TMEM38A: variants seen among roughly 807,000 people sequenced by gnomAD.
TMEM38A encodes transmembrane protein 38A.
TMEM38A carries 17 observed loss-of-function variants against 28.6 expected under a neutral mutation model. That is an observed-to-expected ratio of 0.60 (90% CI 0.41 to 0.89). The LOEUF is 0.89. Among genes scored for constraint, TMEM38A ranks in the 40% least tolerant of loss-of-function variants. The pLI is 0.00. For synonymous variants in TMEM38A, 169 were observed against 166.1 expected (o/e 1.02, Z -0.14); for missense variants, 328 against 393.1 (o/e 0.83, Z 1.40).
Position 16,664,290 on chromosome 19 carries a change from G to A in TMEM38A, c.124+2949G>A, listed in dbSNP as rs1466044729. ...AAAATAGCCAGGTGTGGTGGCGCAC[G>A]CCTGTAATCCCAGGTACTTGGGAGG... On this transcript the variant is annotated intron_variant, in intron 1 of 5. Coordinates refer to ENST00000187762, the MANE Select transcript of TMEM38A (RefSeq NM_024074.4). Among the ~76,000 whole-genome samples, 17 of 152,010 alleles carry A rather than the reference G, an allele frequency of 1.1e-4. No homozygotes were observed. In the East Asian group the frequency reaches 2.5e-3, roughly 23 times the overall value.
intron 1 of TMEM38A, among the ~76,000 whole-genome samples, chr19:16,677,165 C>T (rs1230289878): frequency 6.6e-6 from 1 of 150,492 alleles, no homozygotes; most frequent in Non-Finnish European, 1.5e-5. Flanking sequence ...TTTTAAAATA[C>T]TTCTTATCTT....
Position 16,680,456 on chromosome 19 carries a change from T to C in TMEM38A, c.341T>C (p.Val114Ala). The C allele has an allele frequency of 6.2e-7, 1 of 1,614,144 alleles. No individual in the cohort carries two copies. Among genetic ancestry groups the C allele is most frequent in the Non-Finnish European group, 8.5e-7 (1 of 1,180,030 alleles). ...LFYKCVCFLP[V>A]KLIFVAMKEV... ...TACAAGTGTGTCTGCTTCCTGCCTG[T>C]GAAACTCATCTTCGTGGCCATGAAG... Residue 114 changes from valine (V) to alanine (A), a missense_variant, in exon 3 of 6, where the codon GTG becomes GCG. Coordinates refer to ENST00000187762, the MANE Select transcript of TMEM38A (RefSeq NM_024074.4).
intron 1 of TMEM38A, 152 bp from the exon 2 acceptor site, chr19:16,679,832 G>A (rs1480683083): frequency 8.2e-6 from 6 of 735,536 alleles, no homozygotes; most frequent in Middle Eastern, 4.0e-4. Context: ...CATGCGTACA[G>A]CCTCTCTGAA....
chr19:16,679,904 A>G, intron 1 of TMEM38A, 80 bp from the exon 2 acceptor site: 3 of 1,460,420 alleles, frequency 2.1e-6, no homozygotes, highest in Non-Finnish European at 2.7e-6. Flanking sequence ...CTGGATTAGG[A>G]TAGGCTGACC....
At chr19:16,674,811 A>T (rs1426027994) in intron 1 of TMEM38A, among the ~76,000 whole-genome samples, 3 of 149,840 alleles carry the variant, frequency 2.0e-5, no homozygotes, top group Non-Finnish European at 3.0e-5. Flanking sequence ...AACAAACAAC[A>T]ACAACAAAAA....
chr19:16,681,702 C>T (rs1284812569), intron 3 of TMEM38A, among the ~76,000 whole-genome samples: 2 of 152,192 alleles, frequency 1.3e-5, no homozygotes, highest in Non-Finnish European at 2.9e-5. Context: ...TGAGCCACCT[C>T]CCTGGCCTCG....
At chr19:16,674,835 A>G (rs982302195) in intron 1 of TMEM38A, among the ~76,000 whole-genome samples, 1 of 151,968 alleles carries the variant, frequency 6.6e-6, no homozygotes, top group South Asian at 2.1e-4. Flanking sequence ...ACCAGGACCC[A>G]GAGGGATGCA....
rs2086750046 is a variant in TMEM38A, at chr19:16,676,116, TTTGTGAGG to T, written c.125-3867_125-3860del. ...TGGCTCACACCTGTAATCCCAGCAC[TTTGTGAGG>T]CCGAGGCAGGCGGATCACGAGGTCA... On this transcript the variant is annotated intron_variant, in intron 1 of 5. Coordinates refer to ENST00000187762, the MANE Select transcript of TMEM38A (RefSeq NM_024074.4). Among the ~76,000 whole-genome samples, 4 of 133,472 alleles carry T rather than the reference TTTGTGAGG, an allele frequency of 3.0e-5. 1 individual carries two copies. Among genetic ancestry groups the T allele is most frequent in the African/African-American group, 1.6e-4 (4 of 25,120 alleles). The allele number at this position is 133,472 out of a possible 152,430, so 87.6% of individuals were successfully genotyped here.
At chr19:16,681,064 A>G (rs1023029851) in intron 3 of TMEM38A, 2 of 160,296 alleles carry the variant, frequency 1.2e-5, no homozygotes, top group African/African-American at 2.4e-5. Context: ...AGCTCTAGCT[A>G]TAGGAGTTCT....
At chr19:16,683,592 C>CAAAAAA (rs558424228) in intron 4 of TMEM38A, among the ~76,000 whole-genome samples, 49 of 80,890 alleles carry the variant, frequency 6.1e-4, no homozygotes, top group Middle Eastern at 7.6e-3. Flanking sequence ...GACCTTGTCT[C>CAAAAAA]AAAAAAAAAA....
intron 1 of TMEM38A, among the ~76,000 whole-genome samples, chr19:16,672,446 A>ATTTTTTTTTTTTTTTTTTTTTTTT (rs746189021): frequency 9.5e-6 from 1 of 105,024 alleles, no homozygotes; most frequent in Non-Finnish European, 1.8e-5. Flanking sequence ...AAAAAACCTC[A>ATTTTTTTTTTTTTTTTTTTTTTTT]TTTTTTTTTT....
At chr19:16,680,673 TC>T in intron 3 of TMEM38A, 92 bp downstream of exon 3, 2 of 1,345,230 alleles carry the variant, frequency 1.5e-6, no homozygotes, top group Non-Finnish European at 2.1e-6. Context: ...AAGCCATTGC[TC>T]CAGGCACAGG....
At chr19:16,674,786 C>T (rs540957124) in intron 1 of TMEM38A, among the ~76,000 whole-genome samples, 3 of 151,864 alleles carry the variant, frequency 2.0e-5, no homozygotes, top group South Asian at 4.2e-4. Flanking sequence ...GCAACAAGAG[C>T]GAAACACCGT....
In TMEM38A at chr19:16,680,155, G is replaced by A. The variant is rs988322842; in HGVS notation, c.281+15G>A. ...TCAGCTGTCTGGTAAGCCATGCTGG[G>A]CATGGGAGAGCAGAGCCGGGTGGGG... On this transcript the variant is annotated intron_variant, in intron 2 of 5. Coordinates refer to ENST00000187762, the MANE Select transcript of TMEM38A (RefSeq NM_024074.4). The A allele has an allele frequency of 6.2e-7, 1 of 1,603,868 alleles. No homozygotes were observed. Among genetic ancestry groups the A allele is most frequent in the Non-Finnish European group, 8.5e-7 (1 of 1,178,330 alleles).
At chr19:16,665,676 A>G (rs2086699961) in intron 1 of TMEM38A, among the ~76,000 whole-genome samples, 2 of 152,120 alleles carry the variant, frequency 1.3e-5, no homozygotes, top group Admixed American at 1.3e-4. Context: ...TCTATTGAGA[A>G]TTTTGTCAGG....
chr19:16,682,578 C>A, intron 4 of TMEM38A, 70 bp downstream of exon 4: 1 of 1,378,464 alleles, frequency 7.3e-7, no homozygotes, highest in Non-Finnish European at 1.0e-6. Flanking sequence ...GAGTTGGATG[C>A]TGCTGATAAC....
intron 1 of TMEM38A, among the ~76,000 whole-genome samples, chr19:16,678,724 C>T (rs2086763956): frequency 7.1e-6 from 1 of 140,464 alleles, no homozygotes; most frequent in African/African-American, 2.7e-5. Flanking sequence ...GTGATTGCAC[C>T]ACTGCGCTCC....
intron 2 of TMEM38A, 41 bp downstream of exon 2, chr19:16,680,181 G>A: frequency 6.3e-7 from 1 of 1,593,660 alleles, no homozygotes. Flanking sequence ...CCGGGTGGGG[G>A]AAACAACAAC....
At chr19:16,679,063 C>T (rs902686994) in intron 1 of TMEM38A, among the ~76,000 whole-genome samples, 20 of 150,408 alleles carry the variant, frequency 1.3e-4, no homozygotes, top group African/African-American at 2.0e-4. Context: ...GCAGGAGGAT[C>T]GCTTGAACCT....
Sources: gnomAD v4.1 joint callset for allele counts (sites outside exome capture counted in the v4.1 genomes callset) on GRCh38, gnomAD v4.1.1 for gene constraint, MANE v1.5 for transcripts, NCBI Gene and HGNC (gene_info 2026-07-23, HGNC 2026-07-21) for gene names.